Variants in ZNF430 observed in about 807,000 individuals in gnomAD.
The protein encoded by ZNF430 is zinc finger protein 430.
A neutral mutation model predicts 56.7 loss-of-function variants in ZNF430; 35 were observed. The observed-to-expected ratio is 0.62, with a 90% CI of 0.47 to 0.82. ZNF430 has a LOEUF of 0.82. Among genes scored for constraint, ZNF430 ranks in the 40% least tolerant of loss-of-function variants. ZNF430 has a pLI of 0.00. For synonymous variants in ZNF430, 212 were observed against 224.3 expected, an observed-to-expected ratio of 0.94 and a Z score of 0.49; for missense variants, 574 against 661.0, an observed-to-expected ratio of 0.87 and a Z score of 1.44.
chr19:21,043,076 A>C (rs761199078), intron 4 of ZNF430, among the ~76,000 whole-genome samples: 3 of 151,902 alleles, frequency 2.0e-5, no homozygotes, highest in African/African-American at 4.8e-5. Context: ...TTGTCTGTTC[A>C]CTCTGATGAT....
intron 4 of ZNF430, among the ~76,000 whole-genome samples, chr19:21,043,702 G>A (rs902776250): frequency 6.6e-6 from 1 of 152,070 alleles, no homozygotes; most frequent in African/African-American, 2.4e-5. Context: ...ACTTTTGGCA[G>A]TATGGCCGTT....
rs1968437414 is a variant in ZNF430, at chr19:21,059,681, T to C, written c.*1660T>C. On this transcript the variant is annotated 3_prime_UTR_variant, in exon 5 of 5. Coordinates refer to ENST00000261560, the MANE Select transcript of ZNF430 (RefSeq NM_025189.4). ...TCTTGAAAAAATTACAGATTTTTTG[T>C]AAATAATGATGTAATTCAACTCTCA... The C allele has an allele frequency of 6.6e-6, 1 of 152,214 alleles. No homozygotes were observed. The highest frequency in any genetic ancestry group is 1.5e-5 in the Non-Finnish European group (1 of 68,036). 9.4% of individuals were successfully genotyped at this position (152,214 alleles called of 1,614,324 possible).
At chr19:21,027,379 T>C (rs1215547811) in intron 2 of ZNF430, among the ~76,000 whole-genome samples, 1 of 152,160 alleles carries the variant, frequency 6.6e-6, no homozygotes, top group East Asian at 1.9e-4. Flanking sequence ...ATTGAAAGTA[T>C]TTTTAGCATC....
In ZNF430 at chr19:21,057,396, A is replaced by G. The variant is rs757280080; in HGVS notation, c.1088A>G (p.His363Arg). The change falls in exon 5 of 5, where the codon CAT becomes CGT. Residue 363 changes from histidine (H) to arginine (R), a missense_variant. His to Arg is a conservative substitution (Grantham distance 29, BLOSUM62 0). Coordinates refer to ENST00000261560, the MANE Select transcript of ZNF430 (RefSeq NM_025189.4). ...AFNQSSTLTT[H>R]KIIHAGEKPY... ...AACCAATCCTCAACCCTTACTACAC[A>G]TAAGATAATTCATGCTGGAGAGAAA... 2.5e-6 allele frequency: 4 copies of G among 1,613,616 alleles called. No individual in the cohort carries two copies. Among genetic ancestry groups the G allele is most frequent in the East Asian group, 4.5e-5 (2 of 44,862 alleles).
At chr19:21,032,922 G>A (rs151190160) in intron 2 of ZNF430, among the ~76,000 whole-genome samples, 10 of 152,172 alleles carry the variant, frequency 6.6e-5, no homozygotes, top group African/African-American at 9.6e-5. Context: ...TATAGCACTC[G>A]AAGTGTACAA....
chr19:21,033,545 A>G lies in ZNF430; in HGVS notation c.186A>G (p.Lys62=), dbSNP rs1176591957. Reference sequence around the variant, plus strand: ...CTGCTCAGCAGGATTTGTATAGAAAAGTGATGTTAGAGAACTACAGAAACC... The same window carrying G: ...CTGCTCAGCAGGATTTGTATAGAAAGGTGATGTTAGAGAACTACAGAAACC... ...LDTAQQDLYR[K]VMLENYRNLV... Residue 62 remains lysine, a synonymous_variant, in exon 3 of 5, where the codon AAA becomes AAG. Coordinates refer to ENST00000261560, the MANE Select transcript of ZNF430 (RefSeq NM_025189.4). The G allele has an allele frequency of 2.5e-6, 4 of 1,611,184 alleles. No homozygotes were observed. Among genetic ancestry groups the G allele is most frequent in the Non-Finnish European group, 3.4e-6 (4 of 1,178,708 alleles).
In ZNF430 at chr19:21,049,662, C is replaced by G. The variant is rs28544214; in HGVS notation, c.323-6969C>G. 50 of 23,090 alleles carry G rather than the reference C, an allele frequency of 2.2e-3. 1 individual carries two copies. The highest frequency in any genetic ancestry group is 4.8e-3 in the African/African-American group (45 of 9,342). 1.4% of individuals were successfully genotyped at this position (23,090 alleles called of 1,614,324 possible). ...CGTGCAACATTTCTTGTTACGTTTCCTGCAACATTTCTTGTTACATTTCGT... is the reference window on the plus strand; with the variant it reads ...CGTGCAACATTTCTTGTTACGTTTCGTGCAACATTTCTTGTTACATTTCGT... On this transcript the variant is annotated intron_variant, in intron 4 of 4. Coordinates refer to ENST00000261560, the MANE Select transcript of ZNF430 (RefSeq NM_025189.4).
intron 4 of ZNF430, among the ~76,000 whole-genome samples, chr19:21,037,063 A>C (rs1968012565): frequency 6.6e-6 from 1 of 151,784 alleles, no homozygotes; most frequent in African/African-American, 2.4e-5. Context: ...GGCTTATTTC[A>C]GGTGACATAA....
chr19:21,054,965 C>T (rs80296017), intron 4 of ZNF430, among the ~76,000 whole-genome samples: 20,333 of 151,878 alleles, frequency 0.13, 1,725 homozygotes, highest in Non-Finnish European at 0.18. Context: ...TGAGCCACCG[C>T]GCCCGGCCGT....
chr19:21,048,253 A>T (rs11672518), intron 4 of ZNF430, among the ~76,000 whole-genome samples: 93,219 of 135,770 alleles, frequency 0.69, 35,508 homozygotes, highest in East Asian at 0.87. Flanking sequence ...GCAGGGTCAT[A>T]GGACAATAGT....
In ZNF430 at chr19:21,049,131, G is replaced by GC. The variant is rs951740389; in HGVS notation, c.323-7498dup. On this transcript the variant is annotated intron_variant, in intron 4 of 4. Transcript: ENST00000261560. ...AGAGGTTGCAGTGAGCCGAGATTGC[G>GC]CCACTGCACTCCAGCCTGGGTGACA... Among the ~76,000 whole-genome samples, 9 of 116,432 alleles carry GC rather than the reference G, an allele frequency of 7.7e-5. No individual in the cohort carries two copies. The Admixed American group carries it at 9.2e-4, about 12-fold the overall frequency. 76.4% of individuals were successfully genotyped at this position (116,432 alleles called of 152,430 possible).
intron 4 of ZNF430, among the ~76,000 whole-genome samples, chr19:21,045,013 C>CA (rs909529353): frequency 7.9e-5 from 12 of 151,194 alleles, no homozygotes; most frequent in Admixed American, 1.3e-4. Flanking sequence ...TTAATGTTTT[C>CA]AAAAAAAATA....
intron 1 of ZNF430, among the ~76,000 whole-genome samples, chr19:21,022,040 G>A (rs1171938740): frequency 6.6e-6 from 1 of 152,014 alleles, no homozygotes; most frequent in African/African-American, 2.4e-5. Flanking sequence ...GTTTCACCAT[G>A]TTGGCCTGGC....
At position 21,020,786 on chromosome 19, in the gene ZNF430, C is replaced by T. The variant is rs73546306; in HGVS notation, c.-15C>T. On this transcript the variant is annotated 5_prime_UTR_variant, in exon 1 of 5. Transcript: ENST00000261560. The stretch of plus-strand genomic sequence containing the variant: ...ATCTACAGCTAAGACGCCAGGAACC[C>T]CTGGAAGCCTAGAAATGGTGAGAGT... 10,297 of 1,613,748 alleles carry T rather than the reference C, an allele frequency of 6.4e-3. 462 individuals are homozygous for T. In the African/African-American group the frequency reaches 0.11, roughly 18 times the overall value.
At chr19:21,048,571 T>C (rs1178961471) in intron 4 of ZNF430, among the ~76,000 whole-genome samples, 1 of 152,136 alleles carries the variant, frequency 6.6e-6, no homozygotes. Context: ...TGGAGTCTCC[T>C]ATGTCTACTT....
intron 4 of ZNF430, among the ~76,000 whole-genome samples, chr19:21,052,317 C>T (rs906049148): frequency 6.6e-6 from 1 of 152,144 alleles, no homozygotes; most frequent in Non-Finnish European, 1.5e-5. Context: ...CTTCTCTATA[C>T]CTCTGTTAGA....
At chr19:21,023,393 C>A (rs1313407083) in intron 2 of ZNF430, among the ~76,000 whole-genome samples, 1 of 152,070 alleles carries the variant, frequency 6.6e-6, no homozygotes, top group African/African-American at 2.4e-5. Flanking sequence ...GCTGTAAATT[C>A]TATTAGTAGG....
At chr19:21,056,101 A>C (rs1968371090) in intron 4 of ZNF430, among the ~76,000 whole-genome samples, 1 of 152,146 alleles carries the variant, frequency 6.6e-6, no homozygotes, top group African/African-American at 2.4e-5. Flanking sequence ...CAGCTGGGGC[A>C]CTTCACACAC....
chr19:21,022,749 G>GACAC, intron 1 of ZNF430, 40 bp from the exon 2 acceptor site: 2 of 1,327,194 alleles, frequency 1.5e-6, no homozygotes, highest in Non-Finnish European at 2.2e-6. Context: ...CAGTTAGAGT[G>GACAC]TCTAGTGGAT....
Sources: gnomAD v4.1 joint callset for allele counts (sites outside exome capture counted in the v4.1 genomes callset) on GRCh38, gnomAD v4.1.1 for gene constraint, MANE v1.5 for transcripts, NCBI Gene and HGNC (gene_info 2026-07-23, HGNC 2026-07-21) for gene names.